POP1: variants seen among roughly 807,000 people sequenced by gnomAD.
POP1 encodes POP1 ribonuclease P/MRP subunit.
A neutral mutation model predicts 102.2 loss-of-function variants in POP1; 75 were observed. That is an observed-to-expected ratio of 0.73 (90% CI 0.61 to 0.89). The LOEUF (loss-of-function observed/expected upper bound fraction) is 0.89, where lower values mean the gene tolerates loss of function less well. Ranked by LOEUF, POP1 falls within the 40% of genes least tolerant of loss-of-function variation. The pLI, the probability that POP1 is intolerant of heterozygous loss-of-function variation, is 0.00. For synonymous variants in POP1, 436 were observed against 464.1 expected, an observed-to-expected ratio of 0.94 and a Z score of 0.78; for missense variants, 1,116 against 1,267.4, an observed-to-expected ratio of 0.88 and a Z score of 1.81.
intron 1 of POP1, among the ~76,000 whole-genome samples, chr8:98,120,996 T>A (rs1816002219): frequency 6.6e-6 from 1 of 152,046 alleles, no homozygotes; most frequent in African/African-American, 2.4e-5. Flanking sequence ...TTTGCCAGGC[T>A]GGTCTTGAAC....
intron 14 of POP1, among the ~76,000 whole-genome samples, chr8:98,153,962 T>C (rs1187786148): frequency 6.6e-6 from 1 of 152,184 alleles, no homozygotes; most frequent in African/African-American, 2.4e-5. Flanking sequence ...TGGATTTATT[T>C]AGCTAGGTTA....
chr8:98,140,330 T>G, intron 10 of POP1, 141 bp downstream of exon 10: 1 of 711,978 alleles, frequency 1.4e-6, no homozygotes, highest in Non-Finnish European at 2.6e-6. Flanking sequence ...AGAGAGGGAC[T>G]GAACTCAGTG....
intron 13 of POP1, 31 bp downstream of exon 13, chr8:98,149,037 A>G (rs2130624126): frequency 6.4e-7 from 1 of 1,557,748 alleles, no homozygotes; most frequent in South Asian, 1.1e-5. Flanking sequence ...AACAGTTGCA[A>G]TATTTAAAAT....
intron 3 of POP1, 96 bp downstream of exon 3, chr8:98,127,858 C>T (rs1816256664): frequency 1.5e-6 from 2 of 1,306,474 alleles, no homozygotes; most frequent in South Asian, 2.4e-5. Context: ...GGCTCTGCCT[C>T]CCCTACCTCT....
At chr8:98,153,533 C>CCTTT (rs1809572318) in intron 14 of POP1, among the ~76,000 whole-genome samples, 1 of 85,488 alleles carries the variant, frequency 1.2e-5, no homozygotes, top group African/African-American at 4.8e-5. Context: ...AGTTCTGACT[C>CCTTT]TTTTTTTTTT....
chr8:98,144,336 C>T lies in POP1; in HGVS notation c.1595-2232C>T, dbSNP rs7843241. ...TGTTGCCCAGACCCGAGTGCAGTGG[C>T]GCAATCATGGCTCACTGCAGCCTTG... is the stretch of plus-strand genomic sequence containing the variant. On this transcript the variant is annotated intron_variant, in intron 11 of 15. Coordinates refer to ENST00000401707, the MANE Select transcript of POP1 (RefSeq NM_001145860.2). Among the ~76,000 whole-genome samples the T allele has an allele frequency of 6.8e-3, 1,034 of 152,020 alleles. 3 individuals are homozygous for T. Among genetic ancestry groups the T allele is most frequent in the Non-Finnish European group, 0.01 (711 of 67,978 alleles).
rs750899046 is a variant in POP1 at position 98,158,417 on chromosome 8, G to C, written c.*146G>C. The C allele has an allele frequency of 1.8e-5, 15 of 846,886 alleles. No individual in the cohort carries two copies. Among genetic ancestry groups the C allele is most frequent in the Non-Finnish European group, 2.7e-5 (14 of 526,116 alleles). 52.5% of individuals were successfully genotyped at this position (846,886 alleles called of 1,614,324 possible). A position where few individuals can be genotyped will look rare whatever the true frequency, so the allele number is the denominator to read the frequency against. On this transcript the variant is annotated 3_prime_UTR_variant, in exon 16 of 16. Transcript: ENST00000401707. ...AAAAATTATGTATTATGCAGATGAT[G>C]AAATGTTTACATCATTCCAGTAATG...
chr8:98,153,671 A>G (rs772849074), intron 14 of POP1, among the ~76,000 whole-genome samples: 18 of 150,242 alleles, frequency 1.2e-4, no homozygotes, highest in Non-Finnish European at 2.2e-4. Flanking sequence ...CCGAGTAGCT[A>G]GGATTACAGG....
chr8:98,153,533 C>CTTTTTTT (rs747984872), intron 14 of POP1, among the ~76,000 whole-genome samples: 2,330 of 85,278 alleles, frequency 0.027, 419 homozygotes, highest in African/African-American at 0.063. Flanking sequence ...AGTTCTGACT[C>CTTTTTTT]TTTTTTTTTT....
rs77277723 is a variant in POP1 at position 98,117,329 on chromosome 8, C to T, written c.-64C>T. On this transcript the variant is annotated 5_prime_UTR_variant, in exon 1 of 16. Transcript: ENST00000401707. ...AGCGCGCTCTCCAGGAGCTTTGGCT[C>T]GGTGGGTACTGTCGCGGAGGCTTGT... 0.019 allele frequency: 10,680 copies of T among 565,192 alleles called. 896 individuals are homozygous for T. Among genetic ancestry groups the T allele is most frequent in the African/African-American group, 0.17 (9,244 of 52,962 alleles). 35.0% of individuals were successfully genotyped at this position (565,192 alleles called of 1,614,324 possible). A position where few individuals can be genotyped will look rare whatever the true frequency, so the allele number is the denominator to read the frequency against.
chr8:98,131,876 C>T lies in POP1; in HGVS notation c.735+1650C>T, dbSNP rs528754651. Reference sequence around the variant, plus strand: ...GATTTGAGAACTCAGCAGCAGAAATCATAGATAATAGTCAAGTTCCTCATT... The same window carrying T: ...GATTTGAGAACTCAGCAGCAGAAATTATAGATAATAGTCAAGTTCCTCATT... On this transcript the variant is annotated intron_variant, in intron 5 of 15. Transcript: ENST00000401707. Among the ~76,000 whole-genome samples the T allele has an allele frequency of 4.6e-5, 7 of 152,248 alleles. No homozygotes were observed. In the South Asian group the frequency reaches 1.5e-3, roughly 32 times the overall value.
intron 14 of POP1, among the ~76,000 whole-genome samples, chr8:98,153,417 A>G (rs1034723332): frequency 6.6e-6 from 1 of 151,164 alleles, no homozygotes; most frequent in Non-Finnish European, 1.5e-5. Flanking sequence ...GGCAGCATCT[A>G]TTGGGATTGA....
intron 11 of POP1, among the ~76,000 whole-genome samples, chr8:98,143,573 C>CT (rs112325871): frequency 0.013 from 2,006 of 152,148 alleles, 46 homozygotes; most frequent in African/African-American, 0.045. Flanking sequence ...TATATATACT[C>CT]TAAGTTTGTA....
chr8:98,128,639 C>T, intron 4 of POP1, 99 bp downstream of exon 4: 1 of 1,384,904 alleles, frequency 7.2e-7, no homozygotes, highest in East Asian at 2.4e-5. Flanking sequence ...AAAACCAAGG[C>T]TGGGCATGGT....
At chr8:98,142,635 T>A (rs993587917) in intron 11 of POP1, among the ~76,000 whole-genome samples, 1 of 152,246 alleles carries the variant, frequency 6.6e-6, no homozygotes, top group African/African-American at 2.4e-5. Context: ...TTATTTTGAT[T>A]AGTTCTTATC....
At chr8:98,153,987 G>A (rs1809584556) in intron 14 of POP1, among the ~76,000 whole-genome samples, 2 of 152,162 alleles carry the variant, frequency 1.3e-5, no homozygotes, top group South Asian at 4.1e-4. Context: ...CTGCAGTGGG[G>A]GGATTAAGTA....
chr8:98,146,462 G>T, intron 11 of POP1, 106 bp from the exon 12 acceptor site: 3 of 821,288 alleles, frequency 3.7e-6, no homozygotes, highest in Admixed American at 3.6e-5. Flanking sequence ...TTAAGTAAAT[G>T]CCTATGAAAT....
chr8:98,134,878 G>A (rs558529706), intron 7 of POP1, among the ~76,000 whole-genome samples: 1 of 152,216 alleles, frequency 6.6e-6, no homozygotes, highest in African/African-American at 2.4e-5. Flanking sequence ...TATATTCAAA[G>A]TATATAATAT....
At chr8:98,118,402 T>C (rs1419777405) in intron 1 of POP1, among the ~76,000 whole-genome samples, 1 of 152,130 alleles carries the variant, frequency 6.6e-6, no homozygotes, top group East Asian at 1.9e-4. Context: ...CTTTTTCTTC[T>C]TTCCTTCCTT....
Sources: allele counts gnomAD v4.1 joint callset (sites outside exome capture counted in the v4.1 genomes callset), GRCh38; gene constraint gnomAD v4.1.1; transcripts MANE v1.5; gene names NCBI Gene and HGNC (gene_info 2026-07-23, HGNC 2026-07-21).